ZNF226: variants seen among roughly 807,000 people sequenced by gnomAD.
The protein encoded by ZNF226 is zinc finger protein 226, also known as Kruppel-associated box protein.
In ZNF226, 6 loss-of-function variants were observed where a neutral mutation model predicts 11.4. That is an observed-to-expected ratio of 0.53 (90% CI 0.29 to 1.04). The LOEUF is 1.04. ZNF226 is among the 50% of genes least tolerant of loss of function. The pLI is 0.08. For missense variants in ZNF226, 1,058 were observed against 956.5 expected (o/e 1.11, Z -1.40); for synonymous variants, 350 against 322.8 (o/e 1.08, Z -0.90).
chr19:44,181,609 T>C (rs991594776), downstream of ZNF226, among the ~76,000 whole-genome samples: 1 of 152,204 alleles, frequency 6.6e-6, no homozygotes, highest in African/African-American at 2.4e-5. Context: ...GGGTGTCTTA[T>C]GTCACAAGGC....
the ZNF226 span, among the ~76,000 whole-genome samples, chr19:44,197,932 A>G: frequency 4.6e-5 from 7 of 152,220 alleles, no homozygotes; most frequent in Non-Finnish European, 7.3e-5. Context: ...GAAGGTCACA[A>G]AGATATTTTA....
At chr19:44,169,746 A>G in intron 2 of ZNF226, 1 of 233,118 alleles carries the variant, frequency 4.3e-6, no homozygotes, top group Non-Finnish European at 8.3e-6. Context: ...TATCAATTCC[A>G]GGCCTACTGT....
At chr19:44,190,977 G>A in the ZNF226 span, among the ~76,000 whole-genome samples, 1 of 152,068 alleles carries the variant, frequency 6.6e-6, no homozygotes, top group Non-Finnish European at 1.5e-5. Context: ...CTTAAACTTG[G>A]AAGACAAAAC....
the ZNF226 span, among the ~76,000 whole-genome samples, chr19:44,191,135 TTTA>T: frequency 1.3e-5 from 2 of 152,232 alleles, no homozygotes; most frequent in Admixed American, 6.5e-5. Context: ...TGTGAAAAGT[TTTA>T]TTTAGTTCAT....
rs189999057 is a variant in ZNF226 at position 44,167,394 on chromosome 19, C to T, written c.-47+1587C>T. On this transcript the variant is annotated intron_variant, in intron 2 of 5. Transcript: ENST00000337433. Reference sequence around the variant, plus strand: ...AGTGCAATGGCGTGATCTCGGCTCACTGCAACCTCCGCCTCCCAGGTTCAA... The same window carrying T: ...AGTGCAATGGCGTGATCTCGGCTCATTGCAACCTCCGCCTCCCAGGTTCAA... 3.6e-3 allele frequency among the ~76,000 whole-genome samples: 530 copies of T among 145,960 alleles called. 4 individuals are homozygous for T. Among genetic ancestry groups the T allele is most frequent in the African/African-American group, 0.012 (474 of 39,446 alleles).
chr19:44,188,683 T>G, the ZNF226 span, among the ~76,000 whole-genome samples: 1 of 152,212 alleles, frequency 6.6e-6, no homozygotes, highest in Admixed American at 6.5e-5. Flanking sequence ...ATCTTCCTAG[T>G]GAGTTGAACT....
In ZNF226 at chr19:44,171,309, C is replaced by T. The variant is rs78764223; in HGVS notation, c.16-779C>T. On this transcript the variant is annotated intron_variant, in intron 3 of 5. Transcript: ENST00000337433. ...TATGGCACAGTGTGTCAAGATTTAA[C>T]AGCTGCTTCACCCAGAAAAAATATT... Among the ~76,000 whole-genome samples, 364 of 152,262 alleles carry T rather than the reference C, an allele frequency of 2.4e-3. 2 individuals carry two copies. The highest frequency in any genetic ancestry group is 0.01 in the Middle Eastern group (3 of 294).
downstream of ZNF226, among the ~76,000 whole-genome samples, chr19:44,182,356 T>TACACAC (rs34630350): frequency 5.0e-3 from 756 of 151,262 alleles, 4 homozygotes; most frequent in African/African-American, 0.015. Context: ...CGCGCGTGCA[T>TACACAC]ACACACACAC....
chr19:44,197,838 C>T, the ZNF226 span, among the ~76,000 whole-genome samples: 1 of 152,160 alleles, frequency 6.6e-6, no homozygotes, highest in Admixed American at 6.5e-5. Flanking sequence ...CCTTATGGTA[C>T]ATTTGATAAA....
rs1262931092 is a variant in ZNF226 at position 44,176,503 on chromosome 19, CA to C, written c.1242del (p.Gly415GlufsTer72). 8 of 1,614,034 alleles carry C rather than the reference CA, an allele frequency of 5.0e-6. No individual in the cohort carries two copies. The highest frequency in any genetic ancestry group is 6.8e-6 in the Non-Finnish European group (8 of 1,180,016). ...SHLQSHQRVHTGEKPYKCEEC... is the reference protein window; with the variant it reads ...SHLQSHQRVHXGEKPYKCEEC... ...CTTCAATCCCATCAAAGAGTTCATACAGGAGAGAAACCATACAAATGTGAGG... is the reference window on the plus strand; with the variant it reads ...CTTCAATCCCATCAAAGAGTTCATACGGAGAGAAACCATACAAATGTGAGG... On this transcript the variant is annotated frameshift_variant, in exon 6 of 6. Coordinates refer to ENST00000337433, the MANE Select transcript of ZNF226 (RefSeq NM_001032373.2). LOFTEE classifies it low-confidence loss of function (END_TRUNC).
In ZNF226 at chr19:44,174,804, C is replaced by T. The variant is rs143809508; in HGVS notation, c.236-694C>T. ...TTCTTTGCTAGCCTTCCAATTTTGACTCAGTGCAAAAGCCTTAGAAGGATC... is the reference window on the plus strand; with the variant it reads ...TTCTTTGCTAGCCTTCCAATTTTGATTCAGTGCAAAAGCCTTAGAAGGATC... On this transcript the variant is annotated intron_variant, in intron 5 of 5. Transcript: ENST00000337433. The T allele has an allele frequency of 1.7e-3, 740 of 435,284 alleles. 3 individuals are homozygous for T. Among genetic ancestry groups the T allele is most frequent in the African/African-American group, 0.014 (670 of 49,224 alleles). 27.0% of individuals were successfully genotyped at this position (435,284 alleles called of 1,614,324 possible).
Position 44,169,370 on chromosome 19 carries a change from C to T in ZNF226, c.-46-665C>T, listed in dbSNP as rs551068876. Among the ~76,000 whole-genome samples, 3 of 152,144 alleles carry T rather than the reference C, an allele frequency of 2.0e-5. No homozygotes were observed. In the South Asian group the frequency reaches 6.2e-4, roughly 32 times the overall value. ...ATTGTCAAACGGTGTTTTTTAATTG[C>T]GGTATCTTCGGTTTTATTAGTTCAG... On this transcript the variant is annotated intron_variant, in intron 2 of 5. Coordinates refer to ENST00000337433, the MANE Select transcript of ZNF226 (RefSeq NM_001032373.2).
downstream of ZNF226, among the ~76,000 whole-genome samples, chr19:44,179,383 T>G (rs187101049): frequency 2.9e-4 from 44 of 152,262 alleles, no homozygotes; most frequent in East Asian, 3.5e-3. Context: ...AAAAATATAA[T>G]TTAAAAAATT....
chr19:44,172,730 A>G, intron 4 of ZNF226, 130 bp from the exon 5 acceptor site: 3 of 695,604 alleles, frequency 4.3e-6, no homozygotes, highest in Non-Finnish European at 4.8e-6. Context: ...TCTTTACTGA[A>G]GTCACAATTT....
At chr19:44,189,512 C>A in the ZNF226 span, among the ~76,000 whole-genome samples, 1 of 152,142 alleles carries the variant, frequency 6.6e-6, no homozygotes, top group African/African-American at 2.4e-5. Context: ...CATCTGATAT[C>A]TCATGACTGG....
Position 44,177,259 on chromosome 19 carries a change from C to T in ZNF226, c.1997C>T (p.Thr666Ile). The T allele has an allele frequency of 2.5e-6, 4 of 1,614,104 alleles. No homozygotes were observed. Among genetic ancestry groups the T allele is most frequent in the Non-Finnish European group, 3.4e-6 (4 of 1,180,030 alleles). ...CTTCAAGCCCATCAAAAAGTCCACA[C>T]TGGAGATAAGCCATACAAATGTGAT... is the stretch of plus-strand genomic sequence containing the variant. ...AHLQAHQKVH[T>I]GDKPYKCDEC... is the part of the protein sequence containing the mutation. Residue 666 changes from threonine (T) to isoleucine (I), a missense_variant, in exon 6 of 6, where the codon ACT becomes ATT. Coordinates refer to ENST00000337433, the MANE Select transcript of ZNF226 (RefSeq NM_001032373.2).
the ZNF226 span, among the ~76,000 whole-genome samples, chr19:44,192,103 GA>G: frequency 6.6e-6 from 1 of 152,154 alleles, no homozygotes; most frequent in Middle Eastern, 3.2e-3. Flanking sequence ...GTGGCTCTTA[GA>G]AAAAGTAAAA....
chr19:44,190,013 A>G, the ZNF226 span, among the ~76,000 whole-genome samples: 1 of 152,212 alleles, frequency 6.6e-6, no homozygotes, highest in Non-Finnish European at 1.5e-5. Context: ...GGGAACCTAG[A>G]ATAACTTAGG....
chr19:44,181,362 CAG>C (rs1970904238), downstream of ZNF226, among the ~76,000 whole-genome samples: 1 of 152,172 alleles, frequency 6.6e-6, no homozygotes, highest in Non-Finnish European at 1.5e-5. Flanking sequence ...AGCCTGGTGA[CAG>C]AGTTGAGACA....
Sources: gnomAD v4.1 joint callset for allele counts (sites outside exome capture counted in the v4.1 genomes callset) on GRCh38, gnomAD v4.1.1 for gene constraint, MANE v1.5 for transcripts, NCBI Gene and HGNC (gene_info 2026-07-23, HGNC 2026-07-21) for gene names.